The following KEL variants were observed in gnomAD, a reference collection of about 807,000 sequenced individuals.
KEL encodes Kell metallo-endopeptidase (Kell blood group).
KEL carries 96 observed loss-of-function variants against 99.5 expected under a neutral mutation model. The ratio of observed to expected loss-of-function variants is 0.97; its 90% CI spans 0.82 to 1.14. The LOEUF is 1.14. Ranked by LOEUF, KEL falls within the 50% of genes most tolerant of loss-of-function variation. KEL has a pLI of 0.00. For synonymous variants in KEL, 355 were observed against 354.8 expected (o/e 1.00, Z -0.01); for missense variants, 926 against 924.2 (o/e 1.00, Z -0.03).
Position 142,941,428 on chromosome 7 carries a change from A to C in KEL, c.2038-15T>G. On this transcript the variant is annotated splice_polypyrimidine_tract_variant and intron_variant, in intron 18 of 18. Transcript: ENST00000355265. ...CTACACATCACCTGAGCAGGAAGAG[A>C]GGTCATTGAAGGGGGAGGGTCCACA... The C allele has an allele frequency of 6.4e-7, 1 of 1,571,072 alleles. No homozygotes were observed. The highest frequency in any genetic ancestry group is 8.7e-7 in the Non-Finnish European group (1 of 1,155,588).
rs1321462426 is a variant in KEL, at chr7:142,942,490, C to G, written c.1981G>C (p.Val661Leu). The G allele has an allele frequency of 6.2e-7, 1 of 1,610,318 alleles. No homozygotes were observed. The highest frequency in any genetic ancestry group is 8.5e-7 in the Non-Finnish European group (1 of 1,178,510). The stretch of plus-strand genomic sequence containing the variant: ...GGGCTGAGGTCCAGGCTGGGCAGGA[C>G]AGTCTCCCCATGGTGCCGTAACAGC... ...KRLLRHHGET[V>L]LPSLDLSPQQ... The change falls in exon 18 of 19, where the codon GTC (valine) becomes CTC (leucine). Residue 661 changes from valine (V) to leucine (L), a missense_variant. Transcript: ENST00000355265.
intron 10 of KEL, 63 bp downstream of exon 10, chr7:142,952,446 C>T: frequency 6.3e-7 from 1 of 1,597,994 alleles, no homozygotes; most frequent in Non-Finnish European, 8.6e-7. Flanking sequence ...CCGACATTTA[C>T]CCCTCAAAAG....
rs764082775 is a variant in KEL, at chr7:142,943,594, C to T, written c.1595G>A (p.Trp532Ter). 1 of 1,611,516 alleles carries T rather than the reference C, an allele frequency of 6.2e-7. No homozygotes were observed. The highest frequency in any genetic ancestry group is 1.1e-5 in the South Asian group (1 of 90,990). The change falls in exon 15 of 19, where the codon TGG becomes TAG. Residue 532 changes from tryptophan (W) to a stop codon, truncating the protein, a stop_gained and splice_region_variant. Transcript: ENST00000355265. LOFTEE classifies it high-confidence loss of function. ...ATTGACGTCCCAAGGGGACACCTTC[C>T]ACCTGTGGGAAGAGGACATGTGAAC... ...SFLQPHPQHR[W>*]KVSPWDVNAY...
chr7:142,962,109 C>G (rs771874744), intron 1 of KEL, 95 bp downstream of exon 1: 1 of 1,613,962 alleles, frequency 6.2e-7, no homozygotes, highest in Non-Finnish European at 8.5e-7. Context: ...ACTCTGTAAG[C>G]CTTACATTCC....
intron 4 of KEL, among the ~76,000 whole-genome samples, chr7:142,958,978 G>T (rs559259578): frequency 6.1e-4 from 92 of 151,932 alleles, no homozygotes; most frequent in Middle Eastern, 6.8e-3. Context: ...CCTTTGAGTT[G>T]TTCCACCTTT....
intron 10 of KEL, among the ~76,000 whole-genome samples, chr7:142,952,091 G>C (rs935667562): frequency 6.6e-6 from 1 of 152,084 alleles, no homozygotes; most frequent in South Asian, 2.1e-4. Context: ...TGTGAAGCAC[G>C]TTTGAACATG....
In KEL at chr7:142,943,855, G is replaced by A. The variant is rs371506429; in HGVS notation, c.1520C>T (p.Ser507Phe). 3.1e-6 allele frequency: 5 copies of A among 1,614,042 alleles called. No homozygotes were observed. In the African/African-American group the frequency reaches 6.7e-5, roughly 22 times the overall value. The change falls in exon 14 of 19, where the codon TCT becomes TTT. Residue 507 changes from serine (S) to phenylalanine (F), a missense_variant. Physicochemically the swap from Ser to Phe is radical, Grantham distance 155. Transcript: ENST00000355265. ...GAGGGACCGGACACAGCTCAGGACA[G>A]ACTGCAGGAAGCTCGATCCAAGCTG... ...DIQLGSSFLQ[S>F]VLSCVRSLRA...
chr7:142,944,035 A>G, intron 13 of KEL, 152 bp from the exon 14 acceptor site: 4 of 730,624 alleles, frequency 5.5e-6, no homozygotes, highest in Admixed American at 2.0e-5. Flanking sequence ...GCATCACTAC[A>G]CAGCACACCC....
intron 18 of KEL, chr7:142,942,138 TG>T: frequency 2.1e-6 from 1 of 486,512 alleles, no homozygotes; most frequent in Non-Finnish European, 3.7e-6. Context: ...ATCTGTATTT[TG>T]GGGGTATGAG....
chr7:142,957,716 A>G, intron 6 of KEL, 111 bp downstream of exon 6: 12 of 1,352,794 alleles, frequency 8.9e-6, no homozygotes, highest in South Asian at 7.1e-5. Flanking sequence ...GTTGTTTCCT[A>G]TATCACACAG....
At position 142,942,847 on chromosome 7, in the gene KEL, T is replaced by C. The variant is rs776632496; in HGVS notation, c.1941+28A>G. On this transcript the variant is annotated intron_variant, in intron 17 of 18. Coordinates refer to ENST00000355265, the MANE Select transcript of KEL (RefSeq NM_000420.3). ...ATGTTTTCTAGTCTGCCAGTACACATAAACTGTGGCCCTTGACACTTGCAT... is the reference window on the plus strand; with the variant it reads ...ATGTTTTCTAGTCTGCCAGTACACACAAACTGTGGCCCTTGACACTTGCAT... 3.7e-6 allele frequency: 6 copies of C among 1,613,474 alleles called. No individual in the cohort carries two copies. The African/African-American group carries it at 5.3e-5, about 14-fold the overall frequency.
chr7:142,953,820 A>T lies in KEL; in HGVS notation c.1061T>A (p.Leu354Gln). 1.2e-6 allele frequency: 2 copies of T among 1,614,160 alleles called. No homozygotes were observed. Among genetic ancestry groups the T allele is most frequent in the Non-Finnish European group, 1.7e-6 (2 of 1,180,034 alleles). The change falls in exon 9 of 19, where the codon CTG becomes CAG. Residue 354 changes from leucine to glutamine, a missense_variant. By Grantham distance (113) the Leu-to-Gln change is moderately radical (BLOSUM62 -2). Coordinates refer to ENST00000355265, the MANE Select transcript of KEL (RefSeq NM_000420.3). The part of the protein sequence containing the change: ...KNMSQLVEEM[L>Q]LKQRDFLQSH... ...ACCTGCGGCGAACCTCTGCTTTAGC[A>T]GCATCTCCTCCACCAGTTGTGACAT... is the stretch of plus-strand genomic sequence containing the variant.
chr7:142,958,043 C>T (rs999516505), intron 5 of KEL, 70 bp from the exon 6 acceptor site: 3 of 1,559,868 alleles, frequency 1.9e-6, no homozygotes, highest in Non-Finnish European at 2.6e-6. Context: ...TGGATCGGCT[C>T]TTACACAGCT....
At chr7:142,944,872 G>A in intron 11 of KEL, 131 bp from the exon 12 acceptor site, 2 of 735,662 alleles carry the variant, frequency 2.7e-6, no homozygotes, top group Admixed American at 4.1e-5. Flanking sequence ...TGCTGCTAGA[G>A]GAGCAGCTCA....
chr7:142,948,994 T>C (rs73464414), intron 10 of KEL, among the ~76,000 whole-genome samples: 12,488 of 152,096 alleles, frequency 0.082, 1,209 homozygotes, highest in African/African-American at 0.24. Flanking sequence ...AATTCAAAGT[T>C]TGCAAAAGAT....
At position 142,943,528 on chromosome 7, in the gene KEL, G is replaced by A. The variant is rs1796425503; in HGVS notation, c.1661C>T (p.Ala554Val). Reference sequence around the variant, plus strand: ...GAAGAATGGGGGTTGGAGGAGTCCAGCTGGAAAGACTACCACATGGTCAGA... The same window carrying A: ...GAAGAATGGGGGTTGGAGGAGTCCAACTGGAAAGACTACCACATGGTCAGA... ...SVSDHVVVFPAGLLQPPFFHP... is the reference protein window; with the variant it reads ...SVSDHVVVFPVGLLQPPFFHP... The change falls in exon 15 of 19, where the codon GCT (alanine) becomes GTT (valine). Residue 554 changes from alanine (A) to valine (V), a missense_variant. Physicochemically the swap from Ala to Val is moderately conservative, Grantham distance 64. Coordinates refer to ENST00000355265, the MANE Select transcript of KEL (RefSeq NM_000420.3). The A allele has an allele frequency of 6.2e-6, 10 of 1,614,140 alleles. No homozygotes were observed. In the East Asian group the frequency reaches 2.2e-4, roughly 36 times the overall value.
intron 10 of KEL, among the ~76,000 whole-genome samples, chr7:142,949,959 T>C (rs1400013257): frequency 6.6e-6 from 1 of 152,252 alleles, no homozygotes; most frequent in Non-Finnish European, 1.5e-5. Context: ...CATCCAAAGA[T>C]GGGCCAATAA....
chr7:142,941,560 T>C, intron 18 of KEL, 147 bp from the exon 19 acceptor site: 1 of 701,490 alleles, frequency 1.4e-6, no homozygotes, highest in Non-Finnish European at 2.3e-6. Context: ...AAATGTATAG[T>C]TCATTTAATC....
Position 142,942,618 on chromosome 7 carries a change from C to T in KEL, c.1942-89G>A, listed in dbSNP as rs994952636. The T allele has an allele frequency of 4.9e-6, 5 of 1,021,716 alleles. No homozygotes were observed. In the African/African-American group the frequency reaches 6.4e-5, roughly 13 times the overall value. The allele number at this position is 1,021,716 out of a possible 1,614,324, so 63.3% of individuals were successfully genotyped here. A position where few individuals can be genotyped will look rare whatever the true frequency, so the allele number is the denominator to read the frequency against. ...CCACACAGTACCCAAAACCCATGGC[C>T]CTTGCTCACTGGTTCTGCACTGACT... is the stretch of plus-strand genomic sequence containing the variant. On this transcript the variant is annotated intron_variant, in intron 17 of 18. Transcript: ENST00000355265.
Sources: allele counts gnomAD v4.1 joint callset (sites outside exome capture counted in the v4.1 genomes callset), GRCh38; gene constraint gnomAD v4.1.1; transcripts MANE v1.5; gene names NCBI Gene and HGNC (gene_info 2026-07-23, HGNC 2026-07-21).